TSBP1: variants seen among roughly 807,000 people sequenced by gnomAD.
TSBP1 encodes testis expressed basic protein 1.
In TSBP1, 56 loss-of-function variants were observed where a neutral mutation model predicts 68.8. The ratio of observed to expected loss-of-function variants is 0.81; its 90% CI spans 0.66 to 1.02. The LOEUF (loss-of-function observed/expected upper bound fraction) is 1.02. Among genes scored for constraint, TSBP1 ranks in the 50% least tolerant of loss-of-function variants. The probability of loss-of-function intolerance (pLI) is 0.00; values close to 1 mark genes in which losing one functional copy is unlikely to be tolerated. For missense variants in TSBP1, 502 were observed against 641.2 expected, an observed-to-expected ratio of 0.78 and a Z score of 2.34; for synonymous variants, 171 against 208.7, an observed-to-expected ratio of 0.82 and a Z score of 1.56.
At chr6:32,370,883 A>G (rs1377374006) in intron 1 of TSBP1, among the ~76,000 whole-genome samples, 1 of 152,166 alleles carries the variant, frequency 6.6e-6, no homozygotes, top group Admixed American at 6.5e-5. Context: ...GGAAAGAAGA[A>G]AAAAACAACC....
intron 22 of TSBP1, among the ~76,000 whole-genome samples, chr6:32,298,822 G>T (rs1482821087): frequency 6.6e-6 from 1 of 151,786 alleles, no homozygotes; most frequent in Non-Finnish European, 1.5e-5. Flanking sequence ...TTAAACAAAA[G>T]TTATTATTCT....
rs1010085898 is a variant in TSBP1 at position 32,343,404 on chromosome 6, G to C, written c.350-3766C>G. 6 of 428,050 alleles carry C rather than the reference G, an allele frequency of 1.4e-5. No individual in the cohort carries two copies. Among genetic ancestry groups the C allele is most frequent in the Non-Finnish European group, 2.5e-5 (6 of 236,936 alleles). The allele number at this position is 428,050 out of a possible 1,614,324, so 26.5% of individuals were successfully genotyped here. On this transcript the variant is annotated intron_variant, in intron 9 of 22. Coordinates refer to ENST00000612031, the Ensembl canonical transcript of TSBP1. This position sits in a 1 kb window ranked among gnomAD's most constrained non-coding sequence, Gnocchi z 4.3. ...GTAGGCTCATAAAGTGGCCACACTTGCAAGTGATCCCATGTCTTTTCCCCC... is the reference window on the plus strand; with the variant it reads ...GTAGGCTCATAAAGTGGCCACACTTCCAAGTGATCCCATGTCTTTTCCCCC...
Position 32,369,373 on chromosome 6 carries a change from A to ATTT in TSBP1, c.100+521_100+523dup, listed in dbSNP as rs9281761. ...CTTATTACTTTTGCTAAACTCTGTG[A>ATTT]TTTTTTTTTTTTTTTGAGATGGAGT... On this transcript the variant is annotated intron_variant, in intron 2 of 22. Transcript: ENST00000612031. Among the ~76,000 whole-genome samples, 418 of 127,000 alleles carry ATTT rather than the reference A, an allele frequency of 3.3e-3. 21 individuals are homozygous for ATTT. The highest frequency in any genetic ancestry group is 0.016 in the South Asian group (65 of 3,984). 83.3% of individuals were successfully genotyped at this position (127,000 alleles called of 152,430 possible). A position where few individuals can be genotyped will look rare whatever the true frequency, so the allele number is the denominator to read the frequency against.
rs1340412708 is a variant in TSBP1 at position 32,302,868 on chromosome 6, C to T, written c.581-239G>A. Among the ~76,000 whole-genome samples the T allele has an allele frequency of 6.6e-6, 1 of 152,224 alleles. No homozygotes were observed. On this transcript the variant is annotated intron_variant, in intron 19 of 22. Transcript: ENST00000612031. This position sits in a 1 kb window ranked among gnomAD's most constrained non-coding sequence, Gnocchi z 5.1. ...TCTCTAATTGAGCTCTCTGCTTTCA[C>T]CCTTGCCTCCCAGTCAGTTCCCAGT...
intron 6 of TSBP1, among the ~76,000 whole-genome samples, chr6:32,365,000 C>G (rs1484652590): frequency 1.3e-5 from 2 of 151,986 alleles, no homozygotes; most frequent in Non-Finnish European, 2.9e-5. Flanking sequence ...CTCAAGCAAT[C>G]CTCCCACCTC....
chr6:32,358,937 C>CT (rs1772669953), intron 6 of TSBP1, among the ~76,000 whole-genome samples: 1 of 126,528 alleles, frequency 7.9e-6, no homozygotes, highest in Non-Finnish European at 1.6e-5. Flanking sequence ...TATTATTATA[C>CT]TTTAAGTTTT....
Position 32,357,043 on chromosome 6 carries a change from G to A in TSBP1, c.218-1374C>T, listed in dbSNP as rs1772434034. ...TGCCAGAAGATTTCTATAGTCTCAA[G>A]TTGACCAGTACATTTATATTCCTAT... is the stretch of plus-strand genomic sequence containing the variant. On this transcript the variant is annotated intron_variant, in intron 6 of 22. Transcript: ENST00000612031. The surrounding 1 kb of genome is among the most constrained non-coding windows in gnomAD (Gnocchi z 4.7). Among the ~76,000 whole-genome samples, 1 of 152,118 alleles carries A rather than the reference G, an allele frequency of 6.6e-6. No individual in the cohort carries two copies. The highest frequency in any genetic ancestry group is 2.1e-4 in the South Asian group (1 of 4,832).
At chr6:32,296,487 T>A (rs374114587) in intron 22 of TSBP1, among the ~76,000 whole-genome samples, 8 of 152,350 alleles carry the variant, frequency 5.3e-5, no homozygotes, top group African/African-American at 1.9e-4. Context: ...TTCAGTTTCC[T>A]AATGAAAATC....
Position 32,325,820 on chromosome 6 carries a change from TA to T in TSBP1, c.515-2207del. ...AGAGGTCGAAGTGGTTCTGGAAACTTAGGTGGTGGTCATGGAGGTGGTTTCG... is the reference window on the plus strand; with the variant it reads ...AGAGGTCGAAGTGGTTCTGGAAACTTGGTGGTGGTCATGGAGGTGGTTTCG... On this transcript the variant is annotated intron_variant, in intron 16 of 22. Coordinates refer to ENST00000612031, the Ensembl canonical transcript of TSBP1. The surrounding 1 kb of genome is among the most constrained non-coding windows in gnomAD (Gnocchi z 4.4). The T allele has an allele frequency of 7.7e-7, 1 of 1,293,686 alleles. No individual in the cohort carries two copies. Among genetic ancestry groups the T allele is most frequent in the Non-Finnish European group, 1.1e-6 (1 of 903,304 alleles). 80.1% of individuals were successfully genotyped at this position (1,293,686 alleles called of 1,614,324 possible). A position where few individuals can be genotyped will look rare whatever the true frequency, so the allele number is the denominator to read the frequency against.
chr6:32,293,421 A>G (rs762753497), exon 23 of TSBP1: 30 of 1,611,258 alleles, frequency 1.9e-5, no homozygotes, highest in African/African-American at 9.4e-5. Context: ...GGTACCTTCA[A>G]CTCACTCTTC....
In TSBP1 at chr6:32,302,629, C is replaced by A; in HGVS notation, c.581G>T (p.Arg194Ile). Residue 194 changes from arginine (R) to isoleucine (I), a missense_variant and splice_region_variant, in exon 20 of 23, where the codon AGA becomes ATA. Physicochemically the swap from Arg to Ile is moderately conservative, Grantham distance 97. Coordinates refer to ENST00000612031, the Ensembl canonical transcript of TSBP1. The surrounding 1 kb of genome is among the most constrained non-coding windows in gnomAD (Gnocchi z 5.1). ...CTTACTAGTGTGAACTTGAGGTATT[C>A]CTGAAAATCAAAACAAGAAAATAGG... The A allele has an allele frequency of 3.9e-6, 6 of 1,543,484 alleles. No homozygotes were observed. The highest frequency in any genetic ancestry group is 5.2e-6 in the Non-Finnish European group (6 of 1,147,652).
chr6:32,322,960 A>C (rs1015459730), intron 18 of TSBP1, among the ~76,000 whole-genome samples, 157 bp downstream of exon 19: 2 of 152,172 alleles, frequency 1.3e-5, no homozygotes, highest in African/African-American at 4.8e-5. Flanking sequence ...GATGAATGCT[A>C]GCTTAGTCCC....
chr6:32,293,772 G>C, exon 23 of TSBP1: 1 of 1,612,672 alleles, frequency 6.2e-7, no homozygotes, highest in South Asian at 1.1e-5. Context: ...TGTCTTTTTG[G>C]TATTCCAGCG....
intron 18 of TSBP1, among the ~76,000 whole-genome samples, chr6:32,319,167 G>C (rs9501176): frequency 0.072 from 10,880 of 152,060 alleles, 464 homozygotes; most frequent in East Asian, 0.19. Context: ...AGTCTCATTC[G>C]TCAAGTTTCT....
At chr6:32,371,627 A>G in intron 1 of TSBP1, 67 bp downstream of exon 1, 3 of 1,136,848 alleles carry the variant, frequency 2.6e-6, no homozygotes, top group Non-Finnish European at 4.0e-6. Context: ...AAAGTCCCTA[A>G]GTCCCTAAGA....
chr6:32,310,845 G>C (rs1187337672), intron 19 of TSBP1, among the ~76,000 whole-genome samples: 3 of 150,860 alleles, frequency 2.0e-5, no homozygotes, highest in African/African-American at 7.3e-5. Context: ...GCCTTTCGTG[G>C]CCTTTTCATG....
chr6:32,362,918 A>G (rs6457553), intron 6 of TSBP1, among the ~76,000 whole-genome samples: 23,342 of 151,818 alleles, frequency 0.15, 2,191 homozygotes, highest in East Asian at 0.29. Context: ...TGGTAACTTT[A>G]TTTTCTCCCA....
intron 19 of TSBP1, among the ~76,000 whole-genome samples, chr6:32,307,967 G>C (rs1285447274): frequency 6.6e-6 from 1 of 151,682 alleles, no homozygotes; most frequent in Non-Finnish European, 1.5e-5. Context: ...TAGAGACAGG[G>C]TTTCACCATG....
Position 32,340,280 on chromosome 6 carries a change from T to A in TSBP1, c.350-642A>T, listed in dbSNP as rs1770185820. Among the ~76,000 whole-genome samples, 1 of 152,218 alleles carries A rather than the reference T, an allele frequency of 6.6e-6. No individual in the cohort carries two copies. The highest frequency in any genetic ancestry group is 6.5e-5 in the Admixed American group (1 of 15,280). On this transcript the variant is annotated intron_variant, in intron 9 of 22. Transcript: ENST00000612031. This position sits in a 1 kb window ranked among gnomAD's most constrained non-coding sequence, Gnocchi z 4.8. ...GTTGAAAATTTTGCAATTTTTTTTCTTAAAATAATTGAATAATTTGTTTCC... is the reference window on the plus strand; with the variant it reads ...GTTGAAAATTTTGCAATTTTTTTTCATAAAATAATTGAATAATTTGTTTCC...
Sources: allele counts gnomAD v4.1 joint callset (sites outside exome capture counted in the v4.1 genomes callset), GRCh38; gene constraint gnomAD v4.1.1; non-coding constraint Gnocchi (gnomAD v3.1); transcripts MANE v1.5; gene names NCBI Gene and HGNC (gene_info 2026-07-23, HGNC 2026-07-21).